STK39: variants seen among roughly 807,000 people sequenced by gnomAD.
The protein encoded by STK39 is serine/threonine kinase 39.
STK39 carries 20 observed loss-of-function variants against 77.8 expected under a neutral mutation model. That is an observed-to-expected ratio of 0.26 (90% CI 0.18 to 0.37). The LOEUF (loss-of-function observed/expected upper bound fraction) is 0.37. Ranked by LOEUF, STK39 falls within the 10% of genes least tolerant of loss-of-function variation. The pLI is 1.00. For synonymous variants in STK39, 246 were observed against 234.1 expected (o/e 1.05, Z -0.47); for missense variants, 479 against 656.5 (o/e 0.73, Z 2.95).
intron 10 of STK39, among the ~76,000 whole-genome samples, chr2:168,081,265 A>C (rs1262831678): frequency 6.6e-6 from 1 of 152,218 alleles, no homozygotes; most frequent in Admixed American, 6.5e-5. Flanking sequence ...ACAAAGCCAC[A>C]GGGACAGAGG....
intron 14 of STK39, among the ~76,000 whole-genome samples, chr2:168,034,941 T>C (rs1319379439): frequency 6.6e-6 from 1 of 152,252 alleles, no homozygotes. Context: ...TCCTTCAGCC[T>C]GTTGATGTGG....
intron 10 of STK39, among the ~76,000 whole-genome samples, chr2:168,097,792 A>G (rs1686710970): frequency 6.6e-6 from 1 of 152,200 alleles, no homozygotes; most frequent in African/African-American, 2.4e-5. Flanking sequence ...GGAATCAACT[A>G]TTACATGCTT....
At chr2:168,088,247 G>T (rs1016163295) in intron 10 of STK39, among the ~76,000 whole-genome samples, 2 of 152,066 alleles carry the variant, frequency 1.3e-5, no homozygotes, top group East Asian at 1.9e-4. Flanking sequence ...TACCAAGGGG[G>T]TTCCTTCATA....
chr2:168,160,510 T>C (rs997628277), intron 5 of STK39, among the ~76,000 whole-genome samples: 7 of 136,308 alleles, frequency 5.1e-5, no homozygotes, highest in African/African-American at 7.8e-5. Flanking sequence ...AGAACAGCAG[T>C]TATTGATATT....
chr2:168,064,543 G>C (rs139146886), intron 13 of STK39, among the ~76,000 whole-genome samples: 9 of 152,246 alleles, frequency 5.9e-5, no homozygotes, highest in Admixed American at 5.2e-4. Flanking sequence ...CCTCAAACAG[G>C]CTTCCTGAAG....
chr2:168,059,681 TTACAACC>T (rs1259375138), intron 14 of STK39, among the ~76,000 whole-genome samples: 1 of 152,164 alleles, frequency 6.6e-6, no homozygotes, highest in Non-Finnish European at 1.5e-5. Flanking sequence ...GTACCCGGAC[TTACAACC>T]TACAGAAACT....
chr2:168,110,384 C>G (rs1687090348), intron 10 of STK39, among the ~76,000 whole-genome samples: 3 of 152,108 alleles, frequency 2.0e-5, no homozygotes, highest in African/African-American at 7.2e-5. Context: ...AAGGATATGC[C>G]ACCATGCCTG....
chr2:168,136,616 T>C (rs1687849439), intron 8 of STK39, among the ~76,000 whole-genome samples: 1 of 152,168 alleles, frequency 6.6e-6, no homozygotes, highest in Non-Finnish European at 1.5e-5. Flanking sequence ...CCATCTATAA[T>C]AACCTAGTAC....
intron 16 of STK39, among the ~76,000 whole-genome samples, chr2:167,965,715 T>C (rs1692139088): frequency 6.6e-6 from 1 of 152,198 alleles, no homozygotes. Context: ...AGTAAAATTA[T>C]CTGCTGCTTC....
intron 5 of STK39, among the ~76,000 whole-genome samples, chr2:168,148,447 G>T (rs1431132866): frequency 1.3e-5 from 2 of 152,142 alleles, no homozygotes; most frequent in Admixed American, 1.3e-4. Flanking sequence ...GGAGGCAGAG[G>T]GATAACTTAA....
intron 5 of STK39, among the ~76,000 whole-genome samples, chr2:168,151,903 T>C (rs1225888678): frequency 6.6e-6 from 1 of 152,162 alleles, no homozygotes; most frequent in Non-Finnish European, 1.5e-5. Flanking sequence ...CAAAGTTCAG[T>C]TGACTGATAC....
intron 10 of STK39, among the ~76,000 whole-genome samples, chr2:168,100,114 T>A (rs1219742806): frequency 6.6e-6 from 1 of 152,240 alleles, no homozygotes; most frequent in Non-Finnish European, 1.5e-5. Context: ...CAATTTTTCA[T>A]ACAGTTTATC....
chr2:168,126,857 C>T (rs1371006725), intron 10 of STK39, among the ~76,000 whole-genome samples: 1 of 152,042 alleles, frequency 6.6e-6, no homozygotes, highest in South Asian at 2.1e-4. Context: ...AACTAGAGAG[C>T]CAGGATAACA....
At chr2:167,994,849 C>G (rs980369267) in intron 16 of STK39, among the ~76,000 whole-genome samples, 17 of 152,070 alleles carry the variant, frequency 1.1e-4, no homozygotes, top group Non-Finnish European at 7.4e-5. Flanking sequence ...TACAGAGACT[C>G]TGGATGGGCC....
intron 16 of STK39, among the ~76,000 whole-genome samples, chr2:167,966,273 A>AAACATTGGCTCATGGAGTGCAAAG (rs1692158370): frequency 6.6e-6 from 1 of 152,222 alleles, no homozygotes; most frequent in Admixed American, 6.5e-5. Context: ...TTTATGCAAG[A>AAACATTGGCTCATGGAGTGCAAAG]AACATTGGCT....
chr2:168,243,407 CCT>C (rs1487128220), intron 1 of STK39, among the ~76,000 whole-genome samples: 1 of 152,150 alleles, frequency 6.6e-6, no homozygotes, highest in Admixed American at 6.5e-5. Context: ...TCAAAGGAAC[CCT>C]CTGTCAAACC....
At position 168,013,793 on chromosome 2, in the gene STK39, G is replaced by GGTGTGTGTGT. The variant is rs4000936; in HGVS notation, c.1430-1101_1430-1092dup. Among the ~76,000 whole-genome samples, 674 of 147,730 alleles carry GGTGTGTGTGT rather than the reference G, an allele frequency of 4.6e-3. 7 individuals are homozygous for GGTGTGTGTGT. The highest frequency in any genetic ancestry group is 0.015 in the African/African-American group (595 of 39,086). ...GATGTGGTGACTATGTAAGTGGGCT[G>GGTGTGTGTGT]GTGTGTGTGTGTGTGTGTGTGTGTG... On this transcript the variant is annotated intron_variant, in intron 15 of 17. Transcript: ENST00000355999.
At chr2:168,002,283 C>T (rs1684021257) in intron 16 of STK39, among the ~76,000 whole-genome samples, 1 of 152,222 alleles carries the variant, frequency 6.6e-6, no homozygotes, top group South Asian at 2.1e-4. Flanking sequence ...GAGTCATAAT[C>T]ATGTGACACA....
At chr2:168,187,275 C>T (rs1486550226) in intron 1 of STK39, among the ~76,000 whole-genome samples, 1 of 151,824 alleles carries the variant, frequency 6.6e-6, no homozygotes, top group South Asian at 2.1e-4. Flanking sequence ...CACTTGAACC[C>T]GGAAGGTAGA....
Sources: allele counts gnomAD v4.1 joint callset (sites outside exome capture counted in the v4.1 genomes callset), GRCh38; gene constraint gnomAD v4.1.1; transcripts MANE v1.5; gene names NCBI Gene and HGNC (gene_info 2026-07-23, HGNC 2026-07-21).